The following PVT1 variants were observed in gnomAD, a reference collection of about 807,000 sequenced individuals.
PVT1 encodes the protein CXCR4/PVT1 fusion.
chr8:127,817,631 C>T (rs1348868985), intron 2 of PVT1, among the ~76,000 whole-genome samples: 1 of 145,806 alleles, frequency 6.9e-6, no homozygotes, highest in African/African-American at 2.6e-5. Context: ...CCTGTAATTC[C>T]AGCACTTTGG....
At chr8:127,824,073 G>A (rs1335768676) in intron 2 of PVT1, among the ~76,000 whole-genome samples, 1 of 152,080 alleles carries the variant, frequency 6.6e-6, no homozygotes, top group African/African-American at 2.4e-5. Flanking sequence ...TGCGCCTGTG[G>A]TCCTAGCTGA....
At chr8:128,026,252 T>C (rs1233848184) in intron 4 of PVT1, among the ~76,000 whole-genome samples, 2 of 152,174 alleles carry the variant, frequency 1.3e-5, no homozygotes. Context: ...CCCAGCCTTC[T>C]TTCTGATTCA....
In PVT1 at chr8:128,028,728, T is replaced by C. The variant is rs570775108; in HGVS notation, n.912+39437T>C. ...CAAGCTAAGTCTTCAACAGGAGTTG[T>C]GGGGAGCACTGTTAATATGTGGGGG... On this transcript the variant is annotated intron_variant and non_coding_transcript_variant, in intron 4 of 10. Coordinates refer to ENST00000651587, the Ensembl canonical transcript of PVT1. Among the ~76,000 whole-genome samples, 5 of 152,336 alleles carry C rather than the reference T, an allele frequency of 3.3e-5. No individual in the cohort carries two copies. The South Asian group carries it at 1.0e-3, about 32-fold the overall frequency.
intron 3 of PVT1, among the ~76,000 whole-genome samples, chr8:127,895,635 G>A (rs2129813117): frequency 6.6e-6 from 1 of 152,238 alleles, no homozygotes; most frequent in Non-Finnish European, 1.5e-5. Context: ...AATGGGATTA[G>A]AAGGTCAAAG....
chr8:127,879,868 A>G (rs554037748), intron 2 of PVT1, among the ~76,000 whole-genome samples: 1 of 152,248 alleles, frequency 6.6e-6, no homozygotes, highest in Admixed American at 6.5e-5. Flanking sequence ...TGCCCAGCGC[A>G]CCCTTCTCAT....
At chr8:128,035,057 A>AG (rs1813444711) in intron 4 of PVT1, among the ~76,000 whole-genome samples, 1 of 152,306 alleles carries the variant, frequency 6.6e-6, no homozygotes, top group South Asian at 2.1e-4. Flanking sequence ...AGGCAGGGGT[A>AG]GGGGGCAATA....
At chr8:127,878,075 C>T (rs1815425074) in intron 2 of PVT1, among the ~76,000 whole-genome samples, 1 of 152,116 alleles carries the variant, frequency 6.6e-6, no homozygotes, top group African/African-American at 2.4e-5. Flanking sequence ...TGTTTGACGG[C>T]TCAGGTCCTT....
chr8:128,001,123 C>A (rs769683491), intron 4 of PVT1, among the ~76,000 whole-genome samples: 3 of 152,326 alleles, frequency 2.0e-5, no homozygotes, highest in South Asian at 2.1e-4. Flanking sequence ...CACTGCCCCC[C>A]ACCCCACCGC....
At chr8:127,906,480 TA>T (rs1389549111) in intron 3 of PVT1, among the ~76,000 whole-genome samples, 1 of 152,118 alleles carries the variant, frequency 6.6e-6, no homozygotes, top group Non-Finnish European at 1.5e-5. Context: ...AAGATAATGG[TA>T]AAAGGAGAAA....
At chr8:128,022,531 C>T (rs1271658288) in intron 4 of PVT1, among the ~76,000 whole-genome samples, 1 of 152,212 alleles carries the variant, frequency 6.6e-6, no homozygotes, top group Non-Finnish European at 1.5e-5. Context: ...ACATAAGATG[C>T]ACTGAAGAAT....
intron 4 of PVT1, among the ~76,000 whole-genome samples, chr8:128,046,035 T>C (rs1055380684): frequency 1.3e-5 from 2 of 152,246 alleles, no homozygotes; most frequent in Non-Finnish European, 2.9e-5. Flanking sequence ...ATAGGGATTC[T>C]GGGGACTAAC....
chr8:127,844,102 C>T (rs777219910), intron 2 of PVT1, among the ~76,000 whole-genome samples: 17 of 151,980 alleles, frequency 1.1e-4, no homozygotes, highest in Non-Finnish European at 1.9e-4. Flanking sequence ...CCTGCCTCAG[C>T]CTCCTGAGTA....
chr8:127,960,515 A>T (rs551977458), intron 3 of PVT1: 88 of 330,606 alleles, frequency 2.7e-4, no homozygotes, highest in South Asian at 2.4e-3. Flanking sequence ...GGTTCTGCAG[A>T]TAAAGATGCT....
At chr8:127,969,464 TATC>T (rs1816739879) in intron 3 of PVT1, among the ~76,000 whole-genome samples, 1 of 152,166 alleles carries the variant, frequency 6.6e-6, no homozygotes, top group Admixed American at 6.5e-5. Flanking sequence ...GGCCACCACA[TATC>T]ATGTTCTGAA....
intron 2 of PVT1, among the ~76,000 whole-genome samples, chr8:127,878,528 A>G (rs1415405968): frequency 6.6e-6 from 1 of 151,972 alleles, no homozygotes; most frequent in Non-Finnish European, 1.5e-5. Flanking sequence ...TTGACATTGC[A>G]TCCCTCCCTC....
At chr8:128,090,460 G>GA (rs1249336789) in intron 5 of PVT1, among the ~76,000 whole-genome samples, 5 of 152,202 alleles carry the variant, frequency 3.3e-5, no homozygotes, top group Non-Finnish European at 7.3e-5. Flanking sequence ...GGCTGACTTT[G>GA]ATGGGGGGCT....
At chr8:127,846,513 A>G (rs1458469880) in intron 2 of PVT1, among the ~76,000 whole-genome samples, 1 of 152,156 alleles carries the variant, frequency 6.6e-6, no homozygotes, top group Admixed American at 6.5e-5. Context: ...ACATGTGAGC[A>G]TTCTCCTGGA....
intron 3 of PVT1, among the ~76,000 whole-genome samples, chr8:127,917,587 A>G (rs1816002626): frequency 6.6e-6 from 1 of 152,196 alleles, no homozygotes; most frequent in South Asian, 2.1e-4. Flanking sequence ...TTTGCTGGAG[A>G]AAGAGAGAAG....
At chr8:127,825,768 C>T (rs1199807209) in intron 2 of PVT1, among the ~76,000 whole-genome samples, 1 of 152,150 alleles carries the variant, frequency 6.6e-6, no homozygotes, top group Non-Finnish European at 1.5e-5. Flanking sequence ...CTTCATATGG[C>T]GTGCATCTCT....
Sources: gnomAD v4.1 joint callset for allele counts (sites outside exome capture counted in the v4.1 genomes callset) on GRCh38, gnomAD v4.1.1 for gene constraint, MANE v1.5 for transcripts, NCBI Gene and HGNC (gene_info 2026-07-23, HGNC 2026-07-21) for gene names.